Variants in BTC observed in about 807,000 individuals in gnomAD.
BTC encodes betacellulin, also known as probetacellulin.
Under a neutral mutation model 18.1 loss-of-function variants are expected in BTC, and 13 were observed. The ratio of observed to expected loss-of-function variants is 0.72; its 90% confidence interval spans 0.47 to 1.14. The LOEUF (loss-of-function observed/expected upper bound fraction) is 1.14, where lower values mean the gene tolerates loss of function less well. Ranked by LOEUF, BTC falls within the 50% of genes most tolerant of loss-of-function variation. BTC has a pLI of 0.00. For missense variants in BTC, 247 were observed against 224.2 expected, an observed-to-expected ratio of 1.10 and a Z score of -0.65; for synonymous variants, 83 against 79.4, an observed-to-expected ratio of 1.05 and a Z score of -0.24.
At chr4:74,767,327 A>G (rs754674734) in intron 2 of BTC, among the ~76,000 whole-genome samples, 1 of 151,966 alleles carries the variant, frequency 6.6e-6, no homozygotes, top group Admixed American at 6.6e-5. Context: ...AAAATAAGCT[A>G]ATTTACGATA....
At position 74,744,819 on chromosome 4, in the gene BTC, GTTA is replaced by G. The variant is rs569211182; in HGVS notation, c.*1855_*1857del. 2.1e-4 allele frequency: 32 copies of G among 152,198 alleles called. 1 individual carries two copies. In the South Asian group the frequency reaches 6.2e-3, roughly 30 times the overall value. The allele number at this position is 152,198 out of a possible 1,614,324, so 9.4% of individuals were successfully genotyped here. On this transcript the variant is annotated 3_prime_UTR_variant, in exon 6 of 6. Coordinates refer to ENST00000395743, the MANE Select transcript of BTC (RefSeq NM_001729.4). Reference sequence around the variant, plus strand: ...AATATTGACAGTTTACATAAACAAAGTTATTTAGTGTATGCAAAGCAACTATAA... The same window carrying G: ...AATATTGACAGTTTACATAAACAAAGTTTAGTGTATGCAAAGCAACTATAA...
intron 4 of BTC, among the ~76,000 whole-genome samples, chr4:74,749,419 G>A (rs1211882280): frequency 2.0e-5 from 3 of 151,584 alleles, no homozygotes; most frequent in East Asian, 1.9e-4. Flanking sequence ...AGATCACGCC[G>A]TTGCAGTGAG....
At chr4:74,763,643 C>T (rs1202748186) in intron 2 of BTC, among the ~76,000 whole-genome samples, 1 of 151,830 alleles carries the variant, frequency 6.6e-6, no homozygotes, top group Non-Finnish European at 1.5e-5. Flanking sequence ...AGGGAACATA[C>T]AACAGTAGTG....
intron 2 of BTC, among the ~76,000 whole-genome samples, chr4:74,760,895 T>C (rs894548439): frequency 2.0e-5 from 3 of 152,104 alleles, no homozygotes; most frequent in Non-Finnish European, 2.9e-5. Flanking sequence ...CCACCACGCC[T>C]GGCTAATTTT....
At position 74,778,003 on chromosome 4, in the gene BTC, G is replaced by C. The variant is rs574997759; in HGVS notation, c.65-7847C>G. On this transcript the variant is annotated intron_variant, in intron 1 of 5. Transcript: ENST00000395743. ...ATACTATACACAGAGTAATTTCCAAGTCCAAAAAGAGACCCTATCTAACGT... is the reference window on the plus strand; with the variant it reads ...ATACTATACACAGAGTAATTTCCAACTCCAAAAAGAGACCCTATCTAACGT... 2.6e-4 allele frequency among the ~76,000 whole-genome samples: 39 copies of C among 150,730 alleles called. No homozygotes were observed. The Middle Eastern group carries it at 0.01, about 39-fold the overall frequency.
At position 74,794,353 on chromosome 4, in the gene BTC, C is replaced by T. The variant is rs2109928230; in HGVS notation, c.-28G>A. The stretch of plus-strand genomic sequence containing the variant: ...ACCCCGCTCTGCCGGGCCGGGCAGC[C>T]CCTAGACAAGTCTCCCTCCTTCTTC... On this transcript the variant is annotated 5_prime_UTR_variant, in exon 1 of 6. Transcript: ENST00000395743. The T allele has an allele frequency of 6.6e-7, 1 of 1,525,136 alleles. No homozygotes were observed. The highest frequency in any genetic ancestry group is 8.8e-7 in the Non-Finnish European group (1 of 1,136,060). The allele number at this position is 1,525,136 out of a possible 1,614,324, so 94.5% of individuals were successfully genotyped here. A position where few individuals can be genotyped will look rare whatever the true frequency, so the allele number is the denominator to read the frequency against.
intron 1 of BTC, among the ~76,000 whole-genome samples, chr4:74,770,367 A>G (rs570782067): frequency 7.0e-4 from 106 of 152,286 alleles, no homozygotes; most frequent in Non-Finnish European, 1.2e-3. Context: ...AGCCACCATC[A>G]CTTATATCTA....
chr4:74,788,629 G>A (rs962937870), intron 1 of BTC, among the ~76,000 whole-genome samples: 16 of 152,124 alleles, frequency 1.1e-4, no homozygotes, highest in African/African-American at 3.9e-4. Context: ...ATTTAACATG[G>A]TAAAAATTTT....
intron 1 of BTC, among the ~76,000 whole-genome samples, chr4:74,771,657 G>T (rs907516429): frequency 1.3e-5 from 2 of 152,148 alleles, no homozygotes; most frequent in African/African-American, 4.8e-5. Flanking sequence ...TTCAAAGAAA[G>T]AAATGTACCT....
intron 1 of BTC, among the ~76,000 whole-genome samples, chr4:74,774,591 T>TA (rs35445298): frequency 0.18 from 26,197 of 144,552 alleles, 3,669 homozygotes; most frequent in African/African-American, 0.41. Context: ...GGGCATTCTT[T>TA]AAAAAAAAAA....
chr4:74,785,519 G>A (rs1215457751), intron 1 of BTC, among the ~76,000 whole-genome samples: 1 of 152,088 alleles, frequency 6.6e-6, no homozygotes, highest in African/African-American at 2.4e-5. Context: ...ATGTTAGGTT[G>A]TTAACTTGAG....
Position 74,770,168 on chromosome 4 carries a change from AAACAG to A in BTC, c.65-17_65-13del. Reference sequence around the variant, plus strand: ...AAGGATCACTAGACCTTCAAATTCAAAACAGAACCAAAATCAAACATGAAAATTTG... The same window carrying A: ...AAGGATCACTAGACCTTCAAATTCAAAACCAAAATCAAACATGAAAATTTG... On this transcript the variant is annotated splice_polypyrimidine_tract_variant and intron_variant, in intron 1 of 5. Coordinates refer to ENST00000395743, the MANE Select transcript of BTC (RefSeq NM_001729.4). 6.3e-7 allele frequency: 1 copy of A among 1,585,242 alleles called. No individual in the cohort carries two copies. Among genetic ancestry groups the A allele is most frequent in the Non-Finnish European group, 8.6e-7 (1 of 1,166,270 alleles).
intron 2 of BTC, among the ~76,000 whole-genome samples, chr4:74,759,492 T>G (rs1724693000): frequency 6.6e-6 from 1 of 152,146 alleles, no homozygotes; most frequent in Non-Finnish European, 1.5e-5. Flanking sequence ...CATAAGTGGA[T>G]GGGCACCACA....
chr4:74,748,434 G>T (rs1713795772), intron 4 of BTC, among the ~76,000 whole-genome samples: 1 of 152,006 alleles, frequency 6.6e-6, no homozygotes, highest in Non-Finnish European at 1.5e-5. Flanking sequence ...TACTCGGGAG[G>T]CTGAGGCAGG....
chr4:74,755,783 C>G, intron 3 of BTC, 76 bp downstream of exon 3: 1 of 1,372,554 alleles, frequency 7.3e-7, no homozygotes, highest in South Asian at 1.2e-5. Context: ...TTAGCTCACA[C>G]TTTCCAGTCC....
chr4:74,784,096 G>A (rs60580573), intron 1 of BTC, among the ~76,000 whole-genome samples: 4,881 of 151,988 alleles, frequency 0.032, 246 homozygotes, highest in African/African-American at 0.11. Context: ...GCTGGGTATG[G>A]TGGCAGGCAC....
At chr4:74,791,203 G>A (rs112795376) in intron 1 of BTC, among the ~76,000 whole-genome samples, 25,482 of 152,048 alleles carry the variant, frequency 0.17, 3,361 homozygotes, top group African/African-American at 0.37. Flanking sequence ...TTAGCTGGGC[G>A]TGGTGGCGAG....
At chr4:74,763,290 C>G (rs1166898784) in intron 2 of BTC, among the ~76,000 whole-genome samples, 1 of 152,068 alleles carries the variant, frequency 6.6e-6, no homozygotes, top group Non-Finnish European at 1.5e-5. Context: ...ATGCCAATAA[C>G]TTTACCAAAA....
rs1441267828 is a variant in BTC at position 74,744,959 on chromosome 4, G to T, written c.*1718C>A. 1 of 152,164 alleles carries T rather than the reference G, an allele frequency of 6.6e-6. No homozygotes were observed. The allele number at this position is 152,164 out of a possible 1,614,324, so 9.4% of individuals were successfully genotyped here. A position where few individuals can be genotyped will look rare whatever the true frequency, so the allele number is the denominator to read the frequency against. On this transcript the variant is annotated 3_prime_UTR_variant, in exon 6 of 6. Coordinates refer to ENST00000395743, the MANE Select transcript of BTC (RefSeq NM_001729.4). ...AGGATCAAAACAAAATGGCTTGAGA[G>T]ATTTTGTTGGTCAGCCAAACTCAGT...
Sources: allele counts gnomAD v4.1 joint callset (sites outside exome capture counted in the v4.1 genomes callset), GRCh38; gene constraint gnomAD v4.1.1; transcripts MANE v1.5; gene names NCBI Gene and HGNC (gene_info 2026-07-23, HGNC 2026-07-21).